The following TENM2 variants were observed in gnomAD, a reference collection of about 807,000 sequenced individuals.
TENM2 encodes teneurin-2.
A neutral mutation model predicts 245.2 loss-of-function variants in TENM2; 52 were observed. That is an observed-to-expected ratio of 0.21 (90% CI 0.17 to 0.27). TENM2 has a LOEUF of 0.27. Among genes scored for constraint, TENM2 ranks in the 10% least tolerant of loss-of-function variants. The pLI is 1.00. For missense variants in TENM2, 3,046 were observed against 3,666.8 expected, an observed-to-expected ratio of 0.83 and a Z score of 4.37; for synonymous variants, 1,363 against 1,438.9, an observed-to-expected ratio of 0.95 and a Z score of 1.19.
intron 20 of TENM2, among the ~76,000 whole-genome samples, chr5:168,212,027 T>G (rs187101263): frequency 6.6e-6 from 1 of 152,304 alleles, no homozygotes; most frequent in African/African-American, 2.4e-5. Flanking sequence ...CTATCCCGAC[T>G]GCTCAGTGCG....
chr5:168,061,818 G>T (rs943517605), intron 6 of TENM2, among the ~76,000 whole-genome samples: 3 of 152,156 alleles, frequency 2.0e-5, no homozygotes, highest in Admixed American at 2.0e-4. Flanking sequence ...GATCAGTAAA[G>T]AGTAATAACA....
At chr5:168,144,139 G>A (rs561400774) in intron 12 of TENM2, among the ~76,000 whole-genome samples, 98 of 151,680 alleles carry the variant, frequency 6.5e-4, no homozygotes, top group Middle Eastern at 3.4e-3. Flanking sequence ...GATTACAGGC[G>A]CGAGCCACTG....
chr5:167,288,468 G>C (rs6874475), intron 1 of TENM2, among the ~76,000 whole-genome samples: 1 of 151,768 alleles, frequency 6.6e-6, no homozygotes. Context: ...CTGAGGCAGG[G>C]GAATGGCGTG....
intron 2 of TENM2, among the ~76,000 whole-genome samples, chr5:167,446,277 A>G (rs1037346638): frequency 6.6e-6 from 1 of 152,048 alleles, no homozygotes; most frequent in African/African-American, 2.4e-5. Context: ...TATTGATGAG[A>G]TCCATCCAGA....
At chr5:168,113,908 A>G (rs1448480849) in intron 9 of TENM2, among the ~76,000 whole-genome samples, 2 of 152,216 alleles carry the variant, frequency 1.3e-5, no homozygotes, top group Non-Finnish European at 2.9e-5. Flanking sequence ...GCGGAGACAG[A>G]AAACGCTCCA....
At chr5:168,231,620 C>G (rs1193479208) in intron 25 of TENM2, among the ~76,000 whole-genome samples, 4 of 151,816 alleles carry the variant, frequency 2.6e-5, no homozygotes, top group Non-Finnish European at 2.9e-5. Flanking sequence ...TCTCTCCAGC[C>G]TGGGCACAGT....
chr5:167,707,924 A>G (rs1430397681), intron 2 of TENM2, among the ~76,000 whole-genome samples: 2 of 152,216 alleles, frequency 1.3e-5, no homozygotes, highest in Non-Finnish European at 2.9e-5. Flanking sequence ...AAGTCAGAAT[A>G]TTAGGTATGG....
At chr5:167,180,964 C>CA in the TENM2 span, among the ~76,000 whole-genome samples, 1 of 149,764 alleles carries the variant, frequency 6.7e-6, no homozygotes, top group Non-Finnish European at 1.5e-5. Flanking sequence ...AAACAAAAAA[C>CA]AAAAACCAAA....
intron 2 of TENM2, among the ~76,000 whole-genome samples, chr5:167,478,331 C>T (rs758065644): frequency 3.9e-5 from 6 of 152,162 alleles, no homozygotes; most frequent in Admixed American, 1.3e-4. Flanking sequence ...AACTGCTAAA[C>T]ATGTGCCTGT....
intron 2 of TENM2, among the ~76,000 whole-genome samples, chr5:167,680,652 G>A (rs1207960272): frequency 2.0e-5 from 3 of 152,158 alleles, no homozygotes; most frequent in East Asian, 1.9e-4. Context: ...GATGAGAGAC[G>A]ACGGTGGCCC....
the TENM2 span, among the ~76,000 whole-genome samples, chr5:167,248,184 G>T: frequency 6.6e-6 from 1 of 152,182 alleles, no homozygotes; most frequent in South Asian, 2.1e-4. Flanking sequence ...GATTTTTGCT[G>T]TAAGAGTTCT....
chr5:167,003,889 G>C, the TENM2 span, among the ~76,000 whole-genome samples: 4 of 152,160 alleles, frequency 2.6e-5, no homozygotes, highest in East Asian at 5.8e-4. Flanking sequence ...GAGCGTTTTA[G>C]CTTCTTACTT....
At chr5:167,875,032 CT>C (rs1773300621) in intron 2 of TENM2, among the ~76,000 whole-genome samples, 2 of 152,262 alleles carry the variant, frequency 1.3e-5, no homozygotes, top group Admixed American at 1.3e-4. Flanking sequence ...TTTAGAGTAC[CT>C]TATTTTTGGT....
At chr5:168,076,964 G>A (rs575673508) in intron 7 of TENM2, among the ~76,000 whole-genome samples, 1 of 152,242 alleles carries the variant, frequency 6.6e-6, no homozygotes, top group Admixed American at 6.5e-5. Context: ...TAATACACTG[G>A]ATTAAGAGTG....
intron 2 of TENM2, among the ~76,000 whole-genome samples, chr5:167,806,449 G>A (rs982451147): frequency 6.6e-6 from 1 of 152,050 alleles, no homozygotes; most frequent in African/African-American, 2.4e-5. Flanking sequence ...AATAGCTTCA[G>A]ACATGTTAGA....
At chr5:167,160,135 G>A in the TENM2 span, among the ~76,000 whole-genome samples, 1 of 152,232 alleles carries the variant, frequency 6.6e-6, no homozygotes, top group Non-Finnish European at 1.5e-5. Flanking sequence ...TGAGTTAAGA[G>A]TTAATAGCCC....
intron 12 of TENM2, among the ~76,000 whole-genome samples, chr5:168,161,422 A>ACT (rs1757730064): frequency 6.6e-6 from 1 of 152,370 alleles, no homozygotes; most frequent in Non-Finnish European, 1.5e-5. Context: ...ACATATCCCA[A>ACT]GTGCACAACT....
chr5:167,074,190 A>G, the TENM2 span, among the ~76,000 whole-genome samples: 2 of 152,332 alleles, frequency 1.3e-5, no homozygotes, highest in South Asian at 2.1e-4. Context: ...TTGAATATGT[A>G]TAGGACTTTA....
the TENM2 span, among the ~76,000 whole-genome samples, chr5:167,038,200 C>T: frequency 2.0e-5 from 3 of 152,178 alleles, no homozygotes; most frequent in Non-Finnish European, 2.9e-5. Flanking sequence ...AATCTTTGAA[C>T]AGTCAGTCAT....
Sources: allele counts gnomAD v4.1 joint callset (sites outside exome capture counted in the v4.1 genomes callset), GRCh38; gene constraint gnomAD v4.1.1; transcripts MANE v1.5; gene names NCBI Gene and HGNC (gene_info 2026-07-23, HGNC 2026-07-21).